SERPINE2: variants seen among roughly 807,000 people sequenced by gnomAD.
SERPINE2 encodes serpin family E member 2.
A neutral mutation model predicts 36.3 loss-of-function variants in SERPINE2; 14 were observed. The observed-to-expected ratio is 0.39, with a 90% CI of 0.25 to 0.60. The LOEUF (loss-of-function observed/expected upper bound fraction) is 0.60. SERPINE2 is among the 20% of genes least tolerant of loss of function. SERPINE2 has a pLI of 0.57. For missense variants in SERPINE2, 418 were observed against 499.6 expected, an observed-to-expected ratio of 0.84 and a Z score of 1.56; for synonymous variants, 192 against 191.8, an observed-to-expected ratio of 1.00 and a Z score of -0.01.
intron 1 of SERPINE2, among the ~76,000 whole-genome samples, chr2:224,034,201 A>G (rs1692466057): frequency 6.6e-6 from 1 of 152,118 alleles, no homozygotes; most frequent in African/African-American, 2.4e-5. Flanking sequence ...AACACAAAAA[A>G]CTGCCATCAT....
chr2:224,030,302 A>C lies in SERPINE2; in HGVS notation c.-23+8797T>G, dbSNP rs561662723. The C allele has an allele frequency of 2.3e-5, 20 of 854,806 alleles. No homozygotes were observed. The South Asian group carries it at 9.6e-4, about 41-fold the overall frequency. 53.0% of individuals were successfully genotyped at this position (854,806 alleles called of 1,614,324 possible). On this transcript the variant is annotated intron_variant, in intron 1 of 8. Transcript: ENST00000409304. The stretch of plus-strand genomic sequence containing the variant: ...GTCTGGAAACAAAGCATGCAAAGAC[A>C]CAGAGCAAGTCACTCATTCATCAGG...
At chr2:223,997,672 AGGGTACCTATGTCTTTGG>A (rs1243074199) in intron 3 of SERPINE2, among the ~76,000 whole-genome samples, 2 of 152,240 alleles carry the variant, frequency 1.3e-5, no homozygotes, top group African/African-American at 4.8e-5. Context: ...AACGGACAAC[AGGGTACCTATGTCTTTGG>A]CAATGGCAGA....
intron 1 of SERPINE2, among the ~76,000 whole-genome samples, chr2:224,007,360 A>G (rs1329865013): frequency 6.6e-6 from 1 of 152,212 alleles, no homozygotes; most frequent in Non-Finnish European, 1.5e-5. Context: ...ACATACATAT[A>G]TTTTTAAAAA....
At chr2:224,030,942 G>A in intron 1 of SERPINE2, 1 of 985,068 alleles carries the variant, frequency 1.0e-6, no homozygotes, top group Non-Finnish European at 1.2e-6. Flanking sequence ...AGGAACTAGG[G>A]GGCCAAAGGC....
At chr2:224,036,480 G>A (rs1692540669) in intron 1 of SERPINE2, among the ~76,000 whole-genome samples, 1 of 151,214 alleles carries the variant, frequency 6.6e-6, no homozygotes, top group South Asian at 2.1e-4. Flanking sequence ...GGGGCCTGTG[G>A]TGGGGGGCGG....
At chr2:224,020,203 G>C (rs1266663220) in intron 1 of SERPINE2, among the ~76,000 whole-genome samples, 1 of 152,164 alleles carries the variant, frequency 6.6e-6, no homozygotes, top group Non-Finnish European at 1.5e-5. Context: ...ACCATGGAAA[G>C]GTTGAACTGT....
intron 1 of SERPINE2, among the ~76,000 whole-genome samples, chr2:224,003,398 C>G (rs560512256): frequency 6.6e-6 from 1 of 152,284 alleles, no homozygotes; most frequent in South Asian, 2.1e-4. Context: ...TCGGGTTGCT[C>G]TGATTATCTT....
chr2:223,996,466 C>T (rs1478115979), intron 3 of SERPINE2, among the ~76,000 whole-genome samples: 1 of 152,182 alleles, frequency 6.6e-6, no homozygotes, highest in Non-Finnish European at 1.5e-5. Flanking sequence ...CCCAAGTCAC[C>T]TGGGGTCTCC....
intron 1 of SERPINE2, among the ~76,000 whole-genome samples, chr2:224,018,507 G>C (rs1691875292): frequency 6.6e-6 from 1 of 151,248 alleles, no homozygotes; most frequent in Non-Finnish European, 1.5e-5. Context: ...TGGAAAGCCT[G>C]TAACAATGGT....
intron 5 of SERPINE2, among the ~76,000 whole-genome samples, chr2:223,984,264 A>C (rs1690341886): frequency 6.6e-6 from 1 of 152,210 alleles, no homozygotes; most frequent in African/African-American, 2.4e-5. Context: ...TAACAGCTCA[A>C]ATTCCATCTT....
chr2:224,026,787 C>G (rs185876616), intron 1 of SERPINE2, among the ~76,000 whole-genome samples: 1 of 152,162 alleles, frequency 6.6e-6, no homozygotes, highest in East Asian at 1.9e-4. Flanking sequence ...TGTGTATTCC[C>G]GTGTCTTGCT....
rs573641313 is a variant in SERPINE2, at chr2:224,026,472, A to G, written c.-23+12627T>C. On this transcript the variant is annotated intron_variant, in intron 1 of 8. Transcript: ENST00000409304. ...AAGCATTCATAATATGCATTGACTG[A>G]GAGAATTTCAGGCGAATTTGCCTTC... 2.4e-4 allele frequency among the ~76,000 whole-genome samples: 36 copies of G among 152,302 alleles called. 1 individual carries two copies. In the South Asian group the frequency reaches 7.2e-3, roughly 31 times the overall value.
intron 1 of SERPINE2, among the ~76,000 whole-genome samples, chr2:224,036,134 T>C (rs951001711): frequency 2.0e-5 from 3 of 152,102 alleles, no homozygotes; most frequent in African/African-American, 7.2e-5. Flanking sequence ...AGGTAACTGA[T>C]TGGAACACAG....
At chr2:224,021,616 G>C (rs1208005495) in intron 1 of SERPINE2, among the ~76,000 whole-genome samples, 1 of 152,232 alleles carries the variant, frequency 6.6e-6, no homozygotes, top group Non-Finnish European at 1.5e-5. Flanking sequence ...GGGTAAATTA[G>C]TAAGAGGAGG....
chr2:223,996,953 T>C (rs1690912610), intron 3 of SERPINE2, among the ~76,000 whole-genome samples: 2 of 152,152 alleles, frequency 1.3e-5, no homozygotes, highest in Non-Finnish European at 2.9e-5. Context: ...GGCGCACACC[T>C]GTAGTTCCAG....
intron 1 of SERPINE2, among the ~76,000 whole-genome samples, chr2:224,014,132 T>C (rs1691719212): frequency 6.6e-6 from 1 of 152,148 alleles, no homozygotes; most frequent in African/African-American, 2.4e-5. Flanking sequence ...CCTAGCCCTT[T>C]GGGAAGCCAA....
chr2:224,000,134 G>A (rs991397000), intron 2 of SERPINE2, among the ~76,000 whole-genome samples: 1 of 152,216 alleles, frequency 6.6e-6, no homozygotes. Flanking sequence ...CTCTCCAGCT[G>A]ACGACGCCAG....
intron 1 of SERPINE2, among the ~76,000 whole-genome samples, chr2:224,004,478 C>T (rs778579943): frequency 2.0e-5 from 3 of 152,204 alleles, no homozygotes; most frequent in Non-Finnish European, 4.4e-5. Flanking sequence ...CCCGCTTGGG[C>T]TCAACGGGCC....
At chr2:224,029,993 A>T in intron 1 of SERPINE2, 2 of 918,014 alleles carry the variant, frequency 2.2e-6, no homozygotes, top group African/African-American at 3.6e-5. Context: ...CAGCATAGAC[A>T]TGTCTGGCCC....
Sources: gnomAD v4.1 joint callset for allele counts (sites outside exome capture counted in the v4.1 genomes callset) on GRCh38, gnomAD v4.1.1 for gene constraint, MANE v1.5 for transcripts, NCBI Gene and HGNC (gene_info 2026-07-23, HGNC 2026-07-21) for gene names.